Variants in CNTN1 observed in about 807,000 individuals in gnomAD.
CNTN1 encodes contactin-1.
CNTN1 carries 38 observed loss-of-function variants against 126.4 expected under a neutral mutation model. That is an observed-to-expected ratio of 0.30 (90% CI 0.23 to 0.39). The LOEUF (loss-of-function observed/expected upper bound fraction) is 0.39, where lower values mean the gene tolerates loss of function less well. CNTN1 is among the 10% of genes least tolerant of loss of function. CNTN1 has a pLI of 1.00. For missense variants in CNTN1, 1,009 were observed against 1,248.4 expected, an observed-to-expected ratio of 0.81 and a Z score of 2.89; for synonymous variants, 413 against 422.6, an observed-to-expected ratio of 0.98 and a Z score of 0.28.
At chr12:40,759,997 C>T (rs1259105685) in intron 1 of CNTN1, among the ~76,000 whole-genome samples, 1 of 152,000 alleles carries the variant, frequency 6.6e-6, no homozygotes, top group East Asian at 1.9e-4. Flanking sequence ...CTCAGTTAGC[C>T]ACGGGGGTCC....
Position 40,697,680 on chromosome 12 carries a change from T to C in CNTN1, c.-77+5088T>C, listed in dbSNP as rs993979679. 3.3e-5 allele frequency among the ~76,000 whole-genome samples: 5 copies of C among 152,322 alleles called. 1 individual carries two copies. The highest frequency in any genetic ancestry group is 3.3e-4 in the Admixed American group (5 of 15,304). On this transcript the variant is annotated intron_variant, in intron 1 of 23. Transcript: ENST00000551295. ...CTATTGCTGAACTTCTTTCCTCCTT[T>C]GAAGCAGAATCTGGCTTATGTATAT...
chr12:40,925,604 T>C (rs577267504), intron 6 of CNTN1, among the ~76,000 whole-genome samples: 2 of 144,702 alleles, frequency 1.4e-5, no homozygotes, highest in South Asian at 2.1e-4. Context: ...TATATATATA[T>C]ACGTGTATAT....
intron 1 of CNTN1, among the ~76,000 whole-genome samples, chr12:40,737,607 G>A (rs927434171): frequency 6.6e-6 from 1 of 151,682 alleles, no homozygotes; most frequent in Non-Finnish European, 1.5e-5. Flanking sequence ...CAGCTGAGTA[G>A]ATTGCACCCA....
At chr12:40,765,898 A>G (rs1939065527) in intron 1 of CNTN1, among the ~76,000 whole-genome samples, 1 of 152,246 alleles carries the variant, frequency 6.6e-6, no homozygotes, top group South Asian at 2.1e-4. Context: ...GGAATCAGAC[A>G]TGCAAAAACA....
chr12:40,863,024 A>T (rs1235953711), intron 1 of CNTN1, among the ~76,000 whole-genome samples: 1 of 152,200 alleles, frequency 6.6e-6, no homozygotes, highest in Non-Finnish European at 1.5e-5. Context: ...TAGTCATTTA[A>T]AATATAGCTA....
intron 23 of CNTN1, among the ~76,000 whole-genome samples, chr12:41,054,210 A>G (rs954935624): frequency 1.1e-4 from 17 of 151,996 alleles, no homozygotes; most frequent in African/African-American, 3.9e-4. Flanking sequence ...TTTGAGAATG[A>G]TAAAATTAGT....
At chr12:41,012,745 A>AT (rs1592402280) in intron 17 of CNTN1, among the ~76,000 whole-genome samples, 1 of 152,252 alleles carries the variant, frequency 6.6e-6, no homozygotes, top group East Asian at 1.9e-4. Context: ...GGGGTCCAGT[A>AT]TTTGGTTTGA....
intron 1 of CNTN1, among the ~76,000 whole-genome samples, chr12:40,718,422 G>A (rs565021163): frequency 1.3e-5 from 2 of 151,754 alleles, no homozygotes; most frequent in African/African-American, 4.8e-5. Context: ...CTCATAATCC[G>A]CCCGCCTGGG....
chr12:40,925,800 T>TTTTATATATATA (rs1184212659), intron 6 of CNTN1, among the ~76,000 whole-genome samples: 1 of 116,600 alleles, frequency 8.6e-6, no homozygotes, highest in African/African-American at 3.5e-5. Context: ...ACTATTGAAA[T>TTTTATATATATA]TATATATATA....
At chr12:41,026,119 T>G (rs1025980221) in intron 21 of CNTN1, among the ~76,000 whole-genome samples, 2 of 152,198 alleles carry the variant, frequency 1.3e-5, no homozygotes. Flanking sequence ...TGACAATAGA[T>G]AAATTACCTA....
Position 40,980,947 on chromosome 12 carries a change from A to G in CNTN1, c.1843A>G (p.Ile615Val), listed in dbSNP as rs1947804007. Reference protein sequence around the residue: ...GPPGGLRIEDIRATSVALTWS... With the variant: ...GPPGGLRIEDVRATSVALTWS... Reference sequence around the variant, plus strand: ...TCCAGGTGGTCTGAGAATAGAAGACATTAGAGCCACTTCTGTGGCACTTAC... The same window carrying G: ...TCCAGGTGGTCTGAGAATAGAAGACGTTAGAGCCACTTCTGTGGCACTTAC... The change falls in exon 16 of 24, where the codon ATT (isoleucine) becomes GTT (valine). Residue 615 changes from isoleucine to valine, a missense_variant. By Grantham distance (29) the Ile-to-Val change is conservative (BLOSUM62 3). Coordinates refer to ENST00000551295, the MANE Select transcript of CNTN1 (RefSeq NM_001843.4). The G allele has an allele frequency of 2.5e-6, 4 of 1,613,892 alleles. No homozygotes were observed. Among genetic ancestry groups the G allele is most frequent in the Non-Finnish European group, 3.4e-6 (4 of 1,179,924 alleles).
At chr12:40,864,937 A>G (rs1943248515) in intron 1 of CNTN1, among the ~76,000 whole-genome samples, 1 of 137,514 alleles carries the variant, frequency 7.3e-6, no homozygotes, top group Non-Finnish European at 1.5e-5. Flanking sequence ...AAGTAACAGC[A>G]CTATTTTTAC....
chr12:41,058,327 T>G (rs1949869396), intron 23 of CNTN1, among the ~76,000 whole-genome samples: 1 of 152,062 alleles, frequency 6.6e-6, no homozygotes, highest in Non-Finnish European at 1.5e-5. Context: ...ATGAGTATAA[T>G]AAGACACAAG....
chr12:40,873,646 A>G (rs907458580), intron 1 of CNTN1, among the ~76,000 whole-genome samples: 4 of 152,188 alleles, frequency 2.6e-5, no homozygotes, highest in Non-Finnish European at 5.9e-5. Context: ...TTTGCAGTCC[A>G]TGATATTTGC....
rs773073688 is a variant in CNTN1, at chr12:40,924,648, T to C, written c.492T>C (p.Phe164=). ...TTCTCTGTGACCCCCCATACCATTT[T>C]CCAGGTAAACTTAATTCCTCTCTGA... ...MVLLCDPPYH[F]PDDLSYRWLL... The change falls in exon 6 of 24, where the codon TTT becomes TTC. Residue 164 remains phenylalanine, a synonymous_variant. Transcript: ENST00000551295. 31 of 1,573,286 alleles carry C rather than the reference T, an allele frequency of 2.0e-5. No homozygotes were observed. The South Asian group carries it at 3.4e-4, about 17-fold the overall frequency.
intron 23 of CNTN1, among the ~76,000 whole-genome samples, chr12:41,041,506 G>T (rs572630236): frequency 7.6e-4 from 115 of 152,068 alleles, no homozygotes; most frequent in Non-Finnish European, 1.4e-3. Flanking sequence ...GTTTCTCCTT[G>T]TACCTCTGGT....
chr12:40,878,125 G>A (rs1204875297), intron 1 of CNTN1, among the ~76,000 whole-genome samples: 1 of 149,576 alleles, frequency 6.7e-6, no homozygotes, highest in Non-Finnish European at 1.5e-5. Flanking sequence ...AGCCTCCCGA[G>A]TAGCTGGGAT....
rs765121768 is a variant in CNTN1 at position 40,922,274 on chromosome 12, G to C, written c.246G>C (p.Gly82=). The part of the protein sequence containing the change: ...FPVYKWRMNN[G]DVDLTSDRYS... ...CTCATAGATGGAGAATGAATAATGG[G>C]GACGTTGATCTCACAAGTGATCGAT... The change falls in exon 5 of 24, where the codon GGG becomes GGC. Residue 82 remains glycine, a synonymous_variant. Coordinates refer to ENST00000551295, the MANE Select transcript of CNTN1 (RefSeq NM_001843.4). The C allele has an allele frequency of 2.5e-6, 4 of 1,613,884 alleles. No homozygotes were observed. The highest frequency in any genetic ancestry group is 1.1e-5 in the South Asian group (1 of 91,072).
chr12:40,711,618 C>A (rs1289484448), intron 1 of CNTN1, among the ~76,000 whole-genome samples: 3 of 152,000 alleles, frequency 2.0e-5, no homozygotes, highest in Admixed American at 6.6e-5. Context: ...AACTAATGAC[C>A]ACAGTCATTT....
Sources: allele counts gnomAD v4.1 joint callset (sites outside exome capture counted in the v4.1 genomes callset), GRCh38; gene constraint gnomAD v4.1.1; transcripts MANE v1.5; gene names NCBI Gene and HGNC (gene_info 2026-07-23, HGNC 2026-07-21).